The following FOCAD variants were observed in gnomAD, a reference collection of about 807,000 sequenced individuals.
The protein encoded by FOCAD is focadhesin.
Under a neutral mutation model 225.6 loss-of-function variants are expected in FOCAD, and 198 were observed. The ratio of observed to expected loss-of-function variants is 0.88; its 90% CI spans 0.78 to 0.99. The LOEUF (loss-of-function observed/expected upper bound fraction) is 0.99, where lower values mean the gene tolerates loss of function less well. FOCAD is among the 50% of genes least tolerant of loss of function. FOCAD has a pLI of 0.00. For synonymous variants in FOCAD, 897 were observed against 755.0 expected (o/e 1.19, Z -3.08); for missense variants, 2,713 against 2,123.6 (o/e 1.28, Z -5.46).
At chr9:20,825,338 A>C (rs1328376232) in intron 15 of FOCAD, among the ~76,000 whole-genome samples, 1 of 152,064 alleles carries the variant, frequency 6.6e-6, no homozygotes, top group South Asian at 2.1e-4. Flanking sequence ...GTCAGCTCGC[A>C]TTCTGTGAAG....
chr9:20,862,995 C>A, intron 16 of FOCAD: 1 of 226,244 alleles, frequency 4.4e-6, no homozygotes, highest in East Asian at 9.2e-5. Flanking sequence ...ATTCATAAAG[C>A]CAACCATTAA....
At position 20,667,262 on chromosome 9, in the gene FOCAD, T is replaced by G. The variant is rs149134729; in HGVS notation, c.-78+8436T>G. Among the ~76,000 whole-genome samples, 335 of 152,336 alleles carry G rather than the reference T, an allele frequency of 2.2e-3. 2 individuals carry two copies. The highest frequency in any genetic ancestry group is 7.6e-3 in the African/African-American group (317 of 41,576). On this transcript the variant is annotated intron_variant, in intron 2 of 45. Transcript: ENST00000380249. ...AAATTAAAATTTTCACTACTCAAAA[T>G]ACTCTGATAAGTAATCAAAGGCTAT... is the stretch of plus-strand genomic sequence containing the variant.
At chr9:20,925,727 G>A (rs974992521) in intron 25 of FOCAD, among the ~76,000 whole-genome samples, 1 of 151,912 alleles carries the variant, frequency 6.6e-6, no homozygotes, top group East Asian at 1.9e-4. Flanking sequence ...TTTTTTTGTT[G>A]TTTTGTTTTT....
At chr9:20,775,190 T>G (rs555186533) in intron 8 of FOCAD, among the ~76,000 whole-genome samples, 1 of 152,310 alleles carries the variant, frequency 6.6e-6, no homozygotes, top group African/African-American at 2.4e-5. Context: ...CTGCATTAGT[T>G]TTTGTGGATT....
intron 34 of FOCAD, among the ~76,000 whole-genome samples, chr9:20,951,775 G>A (rs1468974492): frequency 6.6e-6 from 1 of 152,092 alleles, no homozygotes; most frequent in African/African-American, 2.4e-5. Context: ...AGATTTTCTG[G>A]GGAAGGCATG....
chr9:20,821,168 G>T, intron 14 of FOCAD, 97 bp downstream of exon 14: 1 of 1,115,508 alleles, frequency 9.0e-7, no homozygotes, highest in Non-Finnish European at 1.2e-6. Flanking sequence ...GATAGGCAGA[G>T]GATATATAAG....
chr9:20,732,516 G>A (rs1004504883), intron 4 of FOCAD, among the ~76,000 whole-genome samples: 4 of 152,196 alleles, frequency 2.6e-5, no homozygotes, highest in African/African-American at 9.6e-5. Flanking sequence ...AGGTAGGTGG[G>A]ATTCAGACAG....
At chr9:20,725,310 G>A (rs886154783) in intron 4 of FOCAD, among the ~76,000 whole-genome samples, 1 of 152,100 alleles carries the variant, frequency 6.6e-6, no homozygotes, top group Admixed American at 6.5e-5. Flanking sequence ...GAATCTAAAG[G>A]CACTTTGGGA....
At chr9:20,988,505 G>T (rs1032338249) in intron 41 of FOCAD, 76 bp downstream of exon 41, 37 of 375,116 alleles carry the variant, frequency 9.9e-5, no homozygotes, top group East Asian at 7.9e-4. Flanking sequence ...AGTAATTGCG[G>T]TTTTGCCATT....
chr9:20,699,904 G>C (rs1823800197), intron 1 of FOCAD, among the ~76,000 whole-genome samples: 1 of 145,544 alleles, frequency 6.9e-6, no homozygotes, highest in South Asian at 2.2e-4. Context: ...AACTTTATCT[G>C]AAAGACATCC....
rs548230041 is a variant in FOCAD at position 20,932,039 on chromosome 9, G to A, written c.3318-975G>A. 1.2e-4 allele frequency among the ~76,000 whole-genome samples: 19 copies of A among 152,078 alleles called. No homozygotes were observed. In the South Asian group the frequency reaches 3.1e-3, roughly 25 times the overall value. On this transcript the variant is annotated intron_variant, in intron 27 of 43. Transcript: ENST00000338382. ...GTGGAATGTTGTTCCACAGCTTCTT[G>A]CTTCTGTCATAACCCCCAGAAAATA...
At chr9:20,669,670 G>T (rs1821997915) in intron 2 of FOCAD, among the ~76,000 whole-genome samples, 1 of 152,168 alleles carries the variant, frequency 6.6e-6, no homozygotes, top group Non-Finnish European at 1.5e-5. Flanking sequence ...AGCTACTCAG[G>T]AGGCTGAGGC....
In FOCAD at chr9:20,982,448, T is replaced by C; in HGVS notation, c.4728+2T>C. 1 of 1,608,938 alleles carries C rather than the reference T, an allele frequency of 6.2e-7. No homozygotes were observed. The highest frequency in any genetic ancestry group is 1.3e-5 in the African/African-American group (1 of 74,920). On this transcript the variant is annotated splice_donor_variant, in intron 39 of 43. Coordinates refer to ENST00000338382, the MANE Select transcript of FOCAD (RefSeq NM_001375567.1). LOFTEE classifies it high-confidence loss of function. Reference sequence around the variant, plus strand: ...AATCGGATCGCCCAGGTTACTAAGGTAATAACATATCTTTCTATACCTTTT... The same window carrying C: ...AATCGGATCGCCCAGGTTACTAAGGCAATAACATATCTTTCTATACCTTTT...
At chr9:20,878,535 G>A (rs143088198) in intron 19 of FOCAD, among the ~76,000 whole-genome samples, 7 of 152,170 alleles carry the variant, frequency 4.6e-5, no homozygotes, top group African/African-American at 1.4e-4. Flanking sequence ...ACCCCTTTTC[G>A]TGAGAGAACA....
intron 15 of FOCAD, among the ~76,000 whole-genome samples, chr9:20,858,818 C>G (rs867244621): frequency 1.5e-5 from 2 of 131,534 alleles, no homozygotes; most frequent in African/African-American, 2.9e-5. Context: ...GAATTTTTCA[C>G]TTTGCTTTTT....
Position 20,871,946 on chromosome 9 carries a change from G to T in FOCAD, c.2191-2735G>T, listed in dbSNP as rs1262759814. ...ATAAAAAAAATTAAAAAAAAAAGAAGTGATCAGAGGAGAAAGGAAATTTAA... is the reference window on the plus strand; with the variant it reads ...ATAAAAAAAATTAAAAAAAAAAGAATTGATCAGAGGAGAAAGGAAATTTAA... On this transcript the variant is annotated intron_variant, in intron 18 of 43. Transcript: ENST00000338382. Among the ~76,000 whole-genome samples the T allele has an allele frequency of 2.0e-5, 3 of 149,634 alleles. No individual in the cohort carries two copies. The East Asian group carries it at 5.9e-4, about 29-fold the overall frequency.
chr9:20,814,848 C>T (rs1440665675), intron 11 of FOCAD, among the ~76,000 whole-genome samples: 3 of 152,084 alleles, frequency 2.0e-5, no homozygotes, highest in African/African-American at 4.8e-5. Context: ...TAATAAAGTT[C>T]ATCCATTTAC....
intron 39 of FOCAD, among the ~76,000 whole-genome samples, chr9:20,985,066 C>T (rs759074726): frequency 3.9e-5 from 6 of 152,114 alleles, no homozygotes; most frequent in African/African-American, 9.7e-5. Flanking sequence ...CCTCCCAAAG[C>T]GCTGTGATTA....
intron 1 of FOCAD, 73 bp from the exon 2 acceptor site, chr9:20,715,249 G>T: frequency 1.7e-6 from 1 of 576,934 alleles, no homozygotes; most frequent in Non-Finnish European, 2.9e-6. Context: ...CACATTATTT[G>T]AGGAATAATT....
Sources: gnomAD v4.1 joint callset for allele counts (sites outside exome capture counted in the v4.1 genomes callset) on GRCh38, gnomAD v4.1.1 for gene constraint, MANE v1.5 for transcripts, NCBI Gene and HGNC (gene_info 2026-07-23, HGNC 2026-07-21) for gene names.